The following PCDHA1 variants were observed in gnomAD, a reference collection of about 807,000 sequenced individuals.
PCDHA1 encodes the protein protocadherin alpha 1.
Under a neutral mutation model 61.3 loss-of-function variants are expected in PCDHA1, and 42 were observed. The ratio of observed to expected loss-of-function variants is 0.69; its 90% confidence interval spans 0.54 to 0.89. The LOEUF (loss-of-function observed/expected upper bound fraction) is 0.89, where lower values mean the gene tolerates loss of function less well. Among genes scored for constraint, PCDHA1 ranks in the 40% least tolerant of loss-of-function variants. The pLI is 0.00. For synonymous variants in PCDHA1, 610 were observed against 553.8 expected (o/e 1.10, Z -1.43); for missense variants, 1,256 against 1,235.3 (o/e 1.02, Z -0.25).
chr5:140,842,962 C>T lies in PCDHA1; in HGVS notation c.2394+54278C>T, dbSNP rs1554139576. 1.9e-6 allele frequency: 3 copies of T among 1,594,834 alleles called. 1 individual carries two copies. The African/African-American group carries it at 4.0e-5, about 21-fold the overall frequency. On this transcript the variant is annotated intron_variant, in intron 1 of 3. Transcript: ENST00000504120. ...ACGCGGGCGTGCCGCCTCTGGGCAG[C>T]AACGTGACGCTGCAGGTGTTCGTGC...
intron 1 of PCDHA1, chr5:140,829,605 C>G (rs2150171072): frequency 9.9e-6 from 16 of 1,611,986 alleles, no homozygotes; most frequent in Non-Finnish European, 1.2e-5. Context: ...CGCGCGTTGT[C>G]GAGCTACATT....
chr5:140,838,122 GTGTGTGTGTT>G (rs1205252659), intron 1 of PCDHA1, among the ~76,000 whole-genome samples: 1 of 144,084 alleles, frequency 6.9e-6, no homozygotes, highest in Admixed American at 7.0e-5. Context: ...GTGTGTGTGT[GTGTGTGTGTT>G]TGACAGAGTT....
chr5:140,865,381 G>A (rs1260895548), intron 1 of PCDHA1: 3 of 152,122 alleles, frequency 2.0e-5, no homozygotes, highest in African/African-American at 7.2e-5. Context: ...TATAGGTAGG[G>A]TAAAGTTAAT....
In PCDHA1 at chr5:140,883,112, A is replaced by G. The variant is rs141106500; in HGVS notation, c.2394+94428A>G. 408 of 1,614,156 alleles carry G rather than the reference A, an allele frequency of 2.5e-4. 3 individuals are homozygous for G. In the African/African-American group the frequency reaches 5.1e-3, roughly 20 times the overall value. ...AAATGGAGATATAGTTTACTCATTTAGAAGGCCTGTATGGCCTGCAGTGGT... is the reference window on the plus strand; with the variant it reads ...AAATGGAGATATAGTTTACTCATTTGGAAGGCCTGTATGGCCTGCAGTGGT... On this transcript the variant is annotated intron_variant, in intron 1 of 3. Coordinates refer to ENST00000504120, the MANE Select transcript of PCDHA1 (RefSeq NM_018900.4).
At chr5:140,879,141 G>C (rs1413837977) in intron 1 of PCDHA1, among the ~76,000 whole-genome samples, 2 of 152,192 alleles carry the variant, frequency 1.3e-5, no homozygotes, top group Non-Finnish European at 2.9e-5. Context: ...GATTGTGAAG[G>C]CAGGAAAGCT....
chr5:140,825,713 C>T (rs1234281247), intron 1 of PCDHA1: 2 of 152,202 alleles, frequency 1.3e-5, no homozygotes, highest in African/African-American at 2.4e-5. Context: ...TGAGCCATCG[C>T]GCCTGGCCTA....
intron 1 of PCDHA1, among the ~76,000 whole-genome samples, chr5:140,897,478 G>T (rs1554187409): frequency 1.3e-5 from 2 of 151,844 alleles, no homozygotes; most frequent in African/African-American, 4.8e-5. Flanking sequence ...TGAGAATGAT[G>T]ATTTCCAATT....
chr5:140,984,492 T>C (rs2097106044), intron 3 of PCDHA1, among the ~76,000 whole-genome samples: 1 of 152,224 alleles, frequency 6.6e-6, no homozygotes, highest in Non-Finnish European at 1.5e-5. Context: ...TATCCAGAAC[T>C]GTGCCTGGCT....
chr5:140,986,195 A>G (rs1200850544), intron 3 of PCDHA1, among the ~76,000 whole-genome samples: 1 of 152,314 alleles, frequency 6.6e-6, no homozygotes, highest in Non-Finnish European at 1.5e-5. Context: ...TAAATTGGTT[A>G]ATCCTGATTA....
chr5:140,842,408 G>T, intron 1 of PCDHA1: 4 of 1,612,322 alleles, frequency 2.5e-6, no homozygotes, highest in Non-Finnish European at 3.4e-6. Flanking sequence ...ACGTGAAGAC[G>T]CTCAATTTGG....
chr5:140,967,012 G>C (rs1554229065), intron 1 of PCDHA1: 1 of 1,606,656 alleles, frequency 6.2e-7, no homozygotes, highest in African/African-American at 1.3e-5. Flanking sequence ...TCAACCATCT[G>C]GGTGCGCCCA....
chr5:140,825,948 C>A (rs1289779373), intron 1 of PCDHA1: 2 of 152,214 alleles, frequency 1.3e-5, no homozygotes, highest in Non-Finnish European at 2.9e-5. Context: ...TAATGAGAAC[C>A]ATTTGTCTAC....
Position 140,796,463 on chromosome 5 carries a change from G to C in PCDHA1, c.2394+7779G>C, listed in dbSNP as rs782512629. On this transcript the variant is annotated intron_variant, in intron 1 of 3. Coordinates refer to ENST00000504120, the MANE Select transcript of PCDHA1 (RefSeq NM_018900.4). ...TACTCGCTGGTGGAGCGGCGGGTGG[G>C]CGAGCGCGCGTTGTCGAGCTACGTT... 8.1e-6 allele frequency: 13 copies of C among 1,612,430 alleles called. No individual in the cohort carries two copies. In the East Asian group the frequency reaches 2.9e-4, roughly 36 times the overall value.
At chr5:141,006,222 T>C (rs1463720721) in intron 3 of PCDHA1, among the ~76,000 whole-genome samples, 1 of 152,098 alleles carries the variant, frequency 6.6e-6, no homozygotes, top group Non-Finnish European at 1.5e-5. Flanking sequence ...TTTTAAATTT[T>C]TTATTTTTAG....
intron 1 of PCDHA1, among the ~76,000 whole-genome samples, chr5:140,945,740 C>A (rs966678098): frequency 5.9e-5 from 9 of 151,998 alleles, no homozygotes; most frequent in African/African-American, 2.2e-4. Flanking sequence ...AAAAGGACAG[C>A]CTCTTCAATA....
chr5:140,875,949 T>C (rs1306170767), intron 1 of PCDHA1: 2 of 1,614,096 alleles, frequency 1.2e-6, no homozygotes, highest in African/African-American at 2.7e-5. Context: ...GCGCTTCTGA[T>C]GCGGATATCG....
At chr5:140,834,107 A>C in intron 1 of PCDHA1, 1 of 401,594 alleles carries the variant, frequency 2.5e-6, no homozygotes, top group Non-Finnish European at 4.4e-6. Context: ...AAAAAAATTC[A>C]GAGTTTGAAA....
chr5:140,856,036 A>T (rs1554148102), intron 1 of PCDHA1: 1 of 1,567,408 alleles, frequency 6.4e-7, no homozygotes, highest in African/African-American at 1.4e-5. Context: ...TTGTAAAACA[A>T]GAGAAGGATA....
intron 1 of PCDHA1, among the ~76,000 whole-genome samples, chr5:140,924,409 T>C (rs1554201915): frequency 6.6e-6 from 1 of 152,186 alleles, no homozygotes; most frequent in Non-Finnish European, 1.5e-5. Flanking sequence ...TATATCACAG[T>C]GTGCCCTTTC....
Sources: allele counts gnomAD v4.1 joint callset (sites outside exome capture counted in the v4.1 genomes callset), GRCh38; gene constraint gnomAD v4.1.1; transcripts MANE v1.5; gene names NCBI Gene and HGNC (gene_info 2026-07-23, HGNC 2026-07-21).